AHDC1: variants seen among roughly 807,000 people sequenced by gnomAD.
AHDC1 encodes AT-hook DNA binding motif containing 1, also known as transcription factor Gibbin.
In AHDC1, 7 loss-of-function variants were observed where a neutral mutation model predicts 87.9. The ratio of observed to expected loss-of-function variants is 0.08; its 90% confidence interval spans 0.05 to 0.15. The LOEUF is 0.15. Ranked by LOEUF, AHDC1 falls within the 10% of genes least tolerant of loss-of-function variation. The pLI is 1.00. For missense variants in AHDC1, 1,841 were observed against 2,253.2 expected (o/e 0.82, Z 3.70); for synonymous variants, 1,051 against 1,006.8 (o/e 1.04, Z -0.83).
Position 27,593,484 on chromosome 1 carries a change from C to A in AHDC1, c.-629+9913G>T, listed in dbSNP as rs549556737. On this transcript the variant is annotated intron_variant, in intron 3 of 8. Coordinates refer to ENST00000673934, the MANE Select transcript of AHDC1 (RefSeq NM_001371928.1). The surrounding 1 kb of genome is among the most constrained non-coding windows in gnomAD (Gnocchi z 4.9). ...GATGGACCCATTCTCAGGGCGTAGC[C>A]GTGTGTCCCTCAGAACCCTAAGACC... Among the ~76,000 whole-genome samples the A allele has an allele frequency of 1.0e-3, 159 of 152,322 alleles. 1 individual carries two copies. The highest frequency in any genetic ancestry group is 7.4e-3 in the Admixed American group (113 of 15,312).
chr1:27,585,324 T>A (rs2148452383), intron 3 of AHDC1, among the ~76,000 whole-genome samples: 1 of 151,152 alleles, frequency 6.6e-6, no homozygotes, highest in Non-Finnish European at 1.5e-5. Flanking sequence ...CCTTCCAAGT[T>A]CAAAGGGCGG....
chr1:27,570,580 A>T (rs1351566138), intron 3 of AHDC1, among the ~76,000 whole-genome samples: 5 of 151,954 alleles, frequency 3.3e-5, no homozygotes, highest in Non-Finnish European at 7.4e-5. Flanking sequence ...TAAGCACCAG[A>T]AAGTCACACT....
rs149711187 is a variant in AHDC1, at chr1:27,571,400, C to T, written c.-628-12517G>A. ...ACAGAGGCAGGCTGGGACAAAGAGC[C>T]TGGAGCGGAGCAGAACCCTGAGCTG... is the stretch of plus-strand genomic sequence containing the variant. On this transcript the variant is annotated intron_variant, in intron 3 of 8. Transcript: ENST00000673934. 7.6e-3 allele frequency among the ~76,000 whole-genome samples: 1,162 copies of T among 152,262 alleles called. 7 individuals carry two copies. The highest frequency in any genetic ancestry group is 0.017 in the Middle Eastern group (5 of 294).
intron 8 of AHDC1, among the ~76,000 whole-genome samples, chr1:27,546,187 A>G (rs2019158901): frequency 6.6e-6 from 1 of 152,140 alleles, no homozygotes; most frequent in South Asian, 2.1e-4. Flanking sequence ...ATCACCAACC[A>G]CCACATCTGG....
intron 3 of AHDC1, among the ~76,000 whole-genome samples, chr1:27,580,028 G>A (rs2088862987): frequency 6.6e-6 from 1 of 152,136 alleles, no homozygotes; most frequent in African/African-American, 2.4e-5. Flanking sequence ...CTCGGCAGAT[G>A]GGCCCCAGGA....
rs556805078 is a variant in AHDC1 at position 27,563,600 on chromosome 1, C to T, written c.-628-4717G>A. Among the ~76,000 whole-genome samples, 2 of 152,328 alleles carry T rather than the reference C, an allele frequency of 1.3e-5. No homozygotes were observed. The highest frequency in any genetic ancestry group is 1.9e-4 in the East Asian group (1 of 5,182). ...GGTGCCGTCCCTCTGCCTGCAGAGG[C>T]GTCACAGCTCACACGGCATGAATGT... On this transcript the variant is annotated intron_variant, in intron 3 of 8. Transcript: ENST00000673934. The surrounding 1 kb of genome is among the most constrained non-coding windows in gnomAD (Gnocchi z 6.1).
chr1:27,548,301 C>T lies in AHDC1; in HGVS notation c.3815G>A (p.Arg1272Gln), dbSNP rs146584714. 2.5e-6 allele frequency: 4 copies of T among 1,606,056 alleles called. No homozygotes were observed. The highest frequency in any genetic ancestry group is 2.2e-5 in the East Asian group (1 of 44,704). The change falls in exon 8 of 9, where the codon CGA becomes CAA. Residue 1272 changes from arginine to glutamine, a missense_variant. Arg to Gln is a conservative substitution (Grantham distance 43). Coordinates refer to ENST00000673934, the MANE Select transcript of AHDC1 (RefSeq NM_001371928.1). The part of the protein sequence containing the change: ...SKRSTGPRQP[R>Q]GGRGGGACSA... The stretch of plus-strand genomic sequence containing the variant: ...GCAGGCCCCACCGCCCCGTCCACCT[C>T]GCGGCTGCCGGGGCCCAGTGCTCCG...
chr1:27,546,058 G>T (rs2019151133), intron 8 of AHDC1, among the ~76,000 whole-genome samples: 1 of 152,206 alleles, frequency 6.6e-6, no homozygotes, highest in Non-Finnish European at 1.5e-5. Context: ...TGGCCTCCCA[G>T]AGCACGGATG....
intron 3 of AHDC1, among the ~76,000 whole-genome samples, chr1:27,580,079 C>T (rs1002538764): frequency 1.3e-5 from 2 of 152,192 alleles, no homozygotes; most frequent in African/African-American, 4.8e-5. Context: ...CTTCTTAACT[C>T]CCCTAGAGAG....
chr1:27,593,075 C>T lies in AHDC1; in HGVS notation c.-629+10322G>A, dbSNP rs1034362817. ...AGAGCAAGGAGCTGAGCAACAGCTG[C>T]GGTGCTGCCCCTCCAGGGGACACAG... On this transcript the variant is annotated intron_variant, in intron 3 of 8. Transcript: ENST00000673934. The surrounding 1 kb of genome is among the most constrained non-coding windows in gnomAD (Gnocchi z 4.9). Among the ~76,000 whole-genome samples the T allele has an allele frequency of 6.6e-5, 10 of 152,162 alleles. No individual in the cohort carries two copies. Among genetic ancestry groups the T allele is most frequent in the Admixed American group, 1.3e-4 (2 of 15,302 alleles).
intron 5 of AHDC1, among the ~76,000 whole-genome samples, chr1:27,554,138 C>G (rs1030545691): frequency 6.6e-6 from 1 of 152,180 alleles, no homozygotes; most frequent in Non-Finnish European, 1.5e-5. Flanking sequence ...AAGCAATCAA[C>G]CCTGCCTTTT....
intron 3 of AHDC1, among the ~76,000 whole-genome samples, chr1:27,592,732 G>A (rs1010517949): frequency 2.0e-5 from 3 of 152,194 alleles, no homozygotes; most frequent in Non-Finnish European, 2.9e-5. Context: ...GGAGGGGCCG[G>A]AACGCAGGAG....
At chr1:27,571,571 C>T (rs1246082958) in intron 3 of AHDC1, among the ~76,000 whole-genome samples, 1 of 152,130 alleles carries the variant, frequency 6.6e-6, no homozygotes, top group African/African-American at 2.4e-5. Context: ...CAGCCCCACC[C>T]CCTGCTCCCC....
chr1:27,561,221 G>C lies in AHDC1; in HGVS notation c.-628-2338C>G, dbSNP rs987271954. 1.3e-5 allele frequency among the ~76,000 whole-genome samples: 2 copies of C among 152,226 alleles called. No individual in the cohort carries two copies. The highest frequency in any genetic ancestry group is 2.4e-5 in the African/African-American group (1 of 41,450). On this transcript the variant is annotated intron_variant, in intron 3 of 8. Coordinates refer to ENST00000673934, the MANE Select transcript of AHDC1 (RefSeq NM_001371928.1). This position sits in a 1 kb window ranked among gnomAD's most constrained non-coding sequence, Gnocchi z 4.2. ...ATCTGGGTGGCCCTAGAGCCCTCCA[G>C]TGGGGGTAGATTGGCTGCCCCCCAT... is the stretch of plus-strand genomic sequence containing the variant.
chr1:27,578,340 A>AC (rs2088815167), intron 3 of AHDC1, among the ~76,000 whole-genome samples: 1 of 152,090 alleles, frequency 6.6e-6, no homozygotes, highest in South Asian at 2.1e-4. Flanking sequence ...CTGTAATCCC[A>AC]CACTTTGGGA....
Position 27,548,484 on chromosome 1 carries a change from G to A in AHDC1, c.3632C>T (p.Ala1211Val), listed in dbSNP as rs756701170. Residue 1211 changes from alanine to valine, a missense_variant, in exon 8 of 9, where the codon GCA becomes GTA. This residue lies in a region of AHDC1 where 505 missense variants were observed against 626.2 expected (regional missense o/e 0.81). Coordinates refer to ENST00000673934, the MANE Select transcript of AHDC1 (RefSeq NM_001371928.1). Reference sequence around the variant, plus strand: ...CCAGTTGTAGCCGGGGGCAGATGATGCCTCGTTCCAGTCCATCATCAGTTT... The same window carrying A: ...CCAGTTGTAGCCGGGGGCAGATGATACCTCGTTCCAGTCCATCATCAGTTT... Reference protein sequence around the residue: ...LEKLMMDWNEASSAPGYNWNQ... With the variant: ...LEKLMMDWNEVSSAPGYNWNQ... The A allele has an allele frequency of 6.2e-7, 1 of 1,613,882 alleles. No homozygotes were observed. The highest frequency in any genetic ancestry group is 1.1e-5 in the South Asian group (1 of 91,084).
intron 3 of AHDC1, among the ~76,000 whole-genome samples, chr1:27,601,679 G>T (rs991658400): frequency 6.6e-6 from 1 of 152,216 alleles, no homozygotes; most frequent in Non-Finnish European, 1.5e-5. Flanking sequence ...CATGCCACCT[G>T]GGGGGTCCCC....
Position 27,563,112 on chromosome 1 carries a change from G to GACAC in AHDC1, c.-628-4233_-628-4230dup, listed in dbSNP as rs150482219. On this transcript the variant is annotated intron_variant, in intron 3 of 8. Coordinates refer to ENST00000673934, the MANE Select transcript of AHDC1 (RefSeq NM_001371928.1). This position sits in a 1 kb window ranked among gnomAD's most constrained non-coding sequence, Gnocchi z 6.1. ...GAGAACCTGTTACACAGCTGACCAAGACACACACACACGCACGCACGCATG... is the reference window on the plus strand; with the variant it reads ...GAGAACCTGTTACACAGCTGACCAAGACACACACACACACACGCACGCACGCATG... 6.6e-6 allele frequency among the ~76,000 whole-genome samples: 1 copy of GACAC among 151,618 alleles called. No homozygotes were observed.
chr1:27,577,413 ACT>A (rs1397337721), intron 3 of AHDC1, among the ~76,000 whole-genome samples: 2 of 151,574 alleles, frequency 1.3e-5, no homozygotes, highest in Admixed American at 6.6e-5. Flanking sequence ...CCTAAGGACC[ACT>A]CTCTGCTCCC....
Sources: gnomAD v4.1 joint callset for allele counts (sites outside exome capture counted in the v4.1 genomes callset) on GRCh38, gnomAD v4.1.1 for gene constraint, gnomAD v4.1.1 regional missense constraint, Gnocchi (gnomAD v3.1) non-coding constraint, MANE v1.5 for transcripts, NCBI Gene and HGNC (gene_info 2026-07-23, HGNC 2026-07-21) for gene names.